L1TD1: variants seen among roughly 807,000 people sequenced by gnomAD.
L1TD1 encodes the protein LINE-1 type transposase domain-containing protein 1.
L1TD1 carries 26 observed loss-of-function variants against 25.7 expected under a neutral mutation model. The observed-to-expected ratio is 1.01, with a 90% CI of 0.74 to 1.40. The LOEUF (loss-of-function observed/expected upper bound fraction) is 1.40. Among genes scored for constraint, L1TD1 ranks in the 40% most tolerant of loss-of-function variants. L1TD1 has a pLI of 0.00. For missense variants in L1TD1, 1,130 were observed against 975.0 expected, an observed-to-expected ratio of 1.16 and a Z score of -2.12; for synonymous variants, 421 against 335.6, an observed-to-expected ratio of 1.25 and a Z score of -2.78.
rs1182729460 is a variant in L1TD1, at chr1:62,211,038, TG to T, written c.2265del (p.Thr756LeufsTer7). 6.5e-7 allele frequency: 1 copy of T among 1,549,684 alleles called. No individual in the cohort carries two copies. The highest frequency in any genetic ancestry group is 1.2e-5 in the South Asian group (1 of 83,328). On this transcript the variant is annotated frameshift_variant, in exon 4 of 4. Coordinates refer to ENST00000498273, the MANE Select transcript of L1TD1 (RefSeq NM_019079.5). LOFTEE classifies it low-confidence loss of function (END_TRUNC). ...CCTAGTAAAATTGATGAAAAGAGAC[TG>T]ACTCCTAGACACATCTTGGTGAAAT... The part of the protein sequence containing the change: ...RVPSKIDEKR[L>X]TPRHILVKFW...
Position 62,211,103 on chromosome 1 carries a change from T to C in L1TD1, c.2329T>C (p.Ser777Pro). 1 of 1,550,552 alleles carries C rather than the reference T, an allele frequency of 6.4e-7. No individual in the cohort carries two copies. Among genetic ancestry groups the C allele is most frequent in the Non-Finnish European group, 8.7e-7 (1 of 1,146,772 alleles). ...SSDKEKIIRASRERREITYQG... is the reference protein window; with the variant it reads ...SSDKEKIIRAPRERREITYQG... Reference sequence around the variant, plus strand: ...TGATAAAGAGAAAATAATAAGGGCTTCTAGAGAGAGAAGAGAAATTACCTA... The same window carrying C: ...TGATAAAGAGAAAATAATAAGGGCTCCTAGAGAGAGAAGAGAAATTACCTA... The change falls in exon 4 of 4, where the codon TCT becomes CCT. Residue 777 changes from serine to proline, a missense_variant. Coordinates refer to ENST00000498273, the MANE Select transcript of L1TD1 (RefSeq NM_019079.5).
At chr1:62,204,090 G>A (rs1191273379) in intron 2 of L1TD1, among the ~76,000 whole-genome samples, 1 of 152,114 alleles carries the variant, frequency 6.6e-6, no homozygotes, top group Non-Finnish European at 1.5e-5. Flanking sequence ...TAAATTTTCT[G>A]ATTTAATTAT....
At chr1:62,205,422 T>C (rs1331487794) in intron 2 of L1TD1, among the ~76,000 whole-genome samples, 4 of 21,552 alleles carry the variant, frequency 1.9e-4, no homozygotes, top group African/African-American at 8.4e-4. Flanking sequence ...TCTCTCTATA[T>C]ATATATATAT....
At position 62,207,642 on chromosome 1, in the gene L1TD1, C is replaced by G; in HGVS notation, c.1008+6C>G. On this transcript the variant is annotated splice_donor_region_variant and intron_variant, in intron 3 of 3. Transcript: ENST00000498273. The stretch of plus-strand genomic sequence containing the variant: ...ATGGAATTCAAGAAAAAAGGGTAAG[C>G]ATACAAATGTATAAATGTATAAAGC... The G allele has an allele frequency of 6.6e-7, 1 of 1,518,864 alleles. No individual in the cohort carries two copies. 94.1% of individuals were successfully genotyped at this position (1,518,864 alleles called of 1,614,324 possible).
chr1:62,204,453 TTAAA>T (rs1427642426), intron 2 of L1TD1, among the ~76,000 whole-genome samples: 1 of 152,242 alleles, frequency 6.6e-6, no homozygotes, highest in Non-Finnish European at 1.5e-5. Context: ...ATTTTAAAAT[TTAAA>T]TAACTTTAAC....
Position 62,210,850 on chromosome 1 carries a change from T to TA in L1TD1, c.2077dup (p.Ile693AsnfsTer6), listed in dbSNP as rs1323479728. On this transcript the variant is annotated frameshift_variant, in exon 4 of 4. Transcript: ENST00000498273. LOFTEE classifies it low-confidence loss of function (END_TRUNC). Reference sequence around the variant, plus strand: ...TAATTAGTAAAGAAAGGCAAAGAGATATAGAGGAGAGATCTAGAAGTTGCA... The same window carrying TA: ...TAATTAGTAAAGAAAGGCAAAGAGATAATAGAGGAGAGATCTAGAAGTTGCA... 1.3e-6 allele frequency: 2 copies of TA among 1,550,318 alleles called. No individual in the cohort carries two copies. The highest frequency in any genetic ancestry group is 1.7e-6 in the Non-Finnish European group (2 of 1,146,688).
chr1:62,210,611 A>G lies in L1TD1; in HGVS notation c.1837A>G (p.Thr613Ala). Residue 613 changes from threonine to alanine, a missense_variant, in exon 4 of 4, where the codon ACA becomes GCA. Physicochemically the swap from Thr to Ala is moderately conservative, Grantham distance 58. Transcript: ENST00000498273. ...TSKEADLTEE[T>A]EENLRSSVIN... The stretch of plus-strand genomic sequence containing the variant: ...CAAAGAAGCAGACTTAACAGAGGAA[A>G]CAGAAGAAAACTTGAGAAGTAGTGT... 6.2e-7 allele frequency: 1 copy of G among 1,605,764 alleles called. No individual in the cohort carries two copies. Among genetic ancestry groups the G allele is most frequent in the Non-Finnish European group, 8.5e-7 (1 of 1,175,634 alleles).
At chr1:62,204,761 G>A (rs541585913) in intron 2 of L1TD1, among the ~76,000 whole-genome samples, 5 of 152,084 alleles carry the variant, frequency 3.3e-5, no homozygotes, top group South Asian at 4.2e-4. Flanking sequence ...TGACATTTTA[G>A]CTGCTTATGT....
chr1:62,198,575 T>TA (rs1245647518), intron 2 of L1TD1, among the ~76,000 whole-genome samples: 1 of 147,928 alleles, frequency 6.8e-6, no homozygotes, highest in African/African-American at 2.5e-5. Context: ...GAAAAGGTAA[T>TA]ACACCACAAA....
At chr1:62,200,736 A>G (rs932624394) in intron 2 of L1TD1, among the ~76,000 whole-genome samples, 5 of 151,980 alleles carry the variant, frequency 3.3e-5, no homozygotes, top group Non-Finnish European at 7.4e-5. Context: ...TCTGACTTTA[A>G]TAATAGGCTT....
rs751109031 is a variant in L1TD1 at position 62,206,826 on chromosome 1, T to G, written c.198T>G (p.Phe66Leu). The G allele has an allele frequency of 1.7e-5, 28 of 1,607,106 alleles. No individual in the cohort carries two copies. In the African/African-American group the frequency reaches 2.7e-4, roughly 15 times the overall value. Residue 66 changes from phenylalanine to leucine, a missense_variant, in exon 3 of 4, where the codon TTT (phenylalanine) becomes TTG (leucine). By Grantham distance (22) the Phe-to-Leu change is conservative (BLOSUM62 0). Transcript: ENST00000498273. ...TAATGGAAATTCAAGACCTGATGTT[T>G]GAGGAGATGAGGGAAACTCTTAAAA... ...KVLMEIQDLM[F>L]EEMRETLKND...
At chr1:62,208,619 C>T (rs1415304258) in intron 3 of L1TD1, among the ~76,000 whole-genome samples, 1 of 151,894 alleles carries the variant, frequency 6.6e-6, no homozygotes, top group African/African-American at 2.4e-5. Flanking sequence ...GCTGGGACCA[C>T]ATGCATGCAC....
At chr1:62,205,860 T>C (rs1181980310) in intron 2 of L1TD1, among the ~76,000 whole-genome samples, 2 of 152,094 alleles carry the variant, frequency 1.3e-5, no homozygotes, top group Admixed American at 1.3e-4. Flanking sequence ...ACCTCCCAAG[T>C]AGCTGGGACC....
Position 62,209,959 on chromosome 1 carries a change from G to A in L1TD1, c.1185G>A (p.Glu395=). 6.2e-7 allele frequency: 1 copy of A among 1,612,614 alleles called. No individual in the cohort carries two copies. The highest frequency in any genetic ancestry group is 2.2e-5 in the East Asian group (1 of 44,836). ...EELDEEASGM[E]DDEDTSGLEE... is the part of the protein sequence containing the mutation. ...TGGATGAAGAGGCCTCAGGGATGGA[G>A]GATGATGAAGATACCTCAGGGCTGG... Residue 395 remains glutamate, a synonymous_variant, in exon 4 of 4, where the codon GAG becomes GAA. Coordinates refer to ENST00000498273, the MANE Select transcript of L1TD1 (RefSeq NM_019079.5).
intron 2 of L1TD1, among the ~76,000 whole-genome samples, chr1:62,203,820 T>C (rs1229637340): frequency 6.6e-6 from 1 of 152,062 alleles, no homozygotes; most frequent in Non-Finnish European, 1.5e-5. Flanking sequence ...CTCCTGACCT[T>C]GTGATCCACC....
chr1:62,210,535 GAA>G lies in L1TD1; in HGVS notation c.1764_1765del (p.Lys588AsnfsTer32), dbSNP rs1670844978. On this transcript the variant is annotated frameshift_variant, in exon 4 of 4. Transcript: ENST00000498273. LOFTEE classifies it low-confidence loss of function (END_TRUNC). ...SISTGVTKLK[K>X]TEEKKHRTLH... ...TTTCAACAGGAGTCACCAAACTTAA[GAA>G]AACAGAAGAAAAGAAACACAGAACT... 5 of 1,612,608 alleles carry G rather than the reference GAA, an allele frequency of 3.1e-6. No individual in the cohort carries two copies. In the African/African-American group the frequency reaches 5.4e-5, roughly 17 times the overall value.
In L1TD1 at chr1:62,206,642, CT is replaced by C; in HGVS notation, c.15del (p.Thr6LeufsTer20). ...AACATATCCACAATGTCTGATGTAT[CT>C]ACTAGTGTACAATCAAAATTTGCTA... MSDV[S>X]TSVQSKFARL... On this transcript the variant is annotated frameshift_variant, in exon 3 of 4. Transcript: ENST00000498273. LOFTEE classifies it high-confidence loss of function. 6.5e-7 allele frequency: 1 copy of C among 1,539,580 alleles called. No homozygotes were observed. The highest frequency in any genetic ancestry group is 8.7e-7 in the Non-Finnish European group (1 of 1,142,890).
At chr1:62,202,476 T>G (rs941785693) in intron 2 of L1TD1, among the ~76,000 whole-genome samples, 11 of 151,940 alleles carry the variant, frequency 7.2e-5, no homozygotes, top group Non-Finnish European at 5.9e-5. Context: ...TGGAAGTTAC[T>G]TTGTGATAAA....
At chr1:62,195,230 G>A (rs1670511254) in intron 1 of L1TD1, among the ~76,000 whole-genome samples, 1 of 151,952 alleles carries the variant, frequency 6.6e-6, no homozygotes, top group Non-Finnish European at 1.5e-5. Context: ...CGTGAGGCCC[G>A]AGGTGCCCCA....
Sources: gnomAD v4.1 joint callset for allele counts (sites outside exome capture counted in the v4.1 genomes callset) on GRCh38, gnomAD v4.1.1 for gene constraint, MANE v1.5 for transcripts, NCBI Gene and HGNC (gene_info 2026-07-23, HGNC 2026-07-21) for gene names.